Variants in MAP3K20 observed in about 807,000 individuals in gnomAD.
MAP3K20 encodes the protein mitogen-activated protein kinase kinase kinase 20.
Under a neutral mutation model 85.7 loss-of-function variants are expected in MAP3K20, and 40 were observed. The observed-to-expected ratio is 0.47, with a 90% CI of 0.36 to 0.61. The LOEUF is 0.61. Among genes scored for constraint, MAP3K20 ranks in the 20% least tolerant of loss-of-function variants. The pLI is 0.00. For synonymous variants in MAP3K20, 325 were observed against 327.7 expected (o/e 0.99, Z 0.09); for missense variants, 817 against 961.7 (o/e 0.85, Z 1.99).
intron 11 of MAP3K20, among the ~76,000 whole-genome samples, chr2:173,220,045 G>A (rs997467021): frequency 4.1e-5 from 5 of 121,992 alleles, no homozygotes; most frequent in Admixed American, 2.0e-4. Context: ...TCCAGCCTGG[G>A]CAACAGTGCT....
At chr2:173,146,216 G>C (rs1462067761) in intron 2 of MAP3K20, among the ~76,000 whole-genome samples, 2 of 151,224 alleles carry the variant, frequency 1.3e-5, no homozygotes. Context: ...AAACAAAAAA[G>C]TTTCAGGTTT....
At position 173,266,381 on chromosome 2, in the gene MAP3K20, G is replaced by A. The variant is rs776137228; in HGVS notation, c.2034G>A (p.Arg678=). Reference sequence around the variant, plus strand: ...GGGGTCGATACTCAGACAGAAGCAGGAACAAATATGGACGTGGTAGTATAT... The same window carrying A: ...GGGGTCGATACTCAGACAGAAGCAGAAACAAATATGGACGTGGTAGTATAT... ...SERGRYSDRS[R]NKYGRGSISL... The change falls in exon 20 of 20, where the codon AGG becomes AGA. Residue 678 remains arginine, a synonymous_variant. Transcript: ENST00000375213. 2 of 1,614,068 alleles carry A rather than the reference G, an allele frequency of 1.2e-6. No individual in the cohort carries two copies. Among genetic ancestry groups the A allele is most frequent in the Admixed American group, 3.3e-5 (2 of 60,022 alleles).
chr2:173,230,916 A>G (rs1684508624), intron 12 of MAP3K20, among the ~76,000 whole-genome samples: 1 of 152,202 alleles, frequency 6.6e-6, no homozygotes, highest in African/African-American at 2.4e-5. Context: ...GAATCGCTTG[A>G]ATATGGAAGG....
intron 2 of MAP3K20, among the ~76,000 whole-genome samples, chr2:173,131,834 G>T (rs897041015): frequency 6.6e-6 from 1 of 152,166 alleles, no homozygotes; most frequent in Non-Finnish European, 1.5e-5. Context: ...GAATAAATGT[G>T]ATGTGATAGA....
At chr2:173,140,295 C>T (rs997359384) in intron 2 of MAP3K20, among the ~76,000 whole-genome samples, 10 of 152,162 alleles carry the variant, frequency 6.6e-5, no homozygotes, top group African/African-American at 2.4e-4. Context: ...CAGGCATGAG[C>T]CACCACGCCC....
At chr2:173,213,584 G>A (rs183312587) in intron 10 of MAP3K20, among the ~76,000 whole-genome samples, 7 of 152,264 alleles carry the variant, frequency 4.6e-5, no homozygotes, top group East Asian at 3.9e-4. Context: ...TTATATCACA[G>A]ATGCAAAGGT....
rs184955702 is a variant in MAP3K20 at position 173,143,267 on chromosome 2, A to T, written c.160-26538A>T. ...TAAAATGATTTAATAATGATGATTT[A>T]AAAAGTCAGTTTCTTAAAAGATATA... On this transcript the variant is annotated intron_variant, in intron 2 of 19. Transcript: ENST00000375213. 2.3e-3 allele frequency among the ~76,000 whole-genome samples: 355 copies of T among 152,330 alleles called. 1 individual carries two copies. The highest frequency in any genetic ancestry group is 5.0e-3 in the Admixed American group (77 of 15,296).
chr2:173,108,290 G>A (rs1687843456), intron 2 of MAP3K20, among the ~76,000 whole-genome samples: 1 of 152,018 alleles, frequency 6.6e-6, no homozygotes, highest in African/African-American at 2.4e-5. Context: ...GTGTCACCAT[G>A]CCTGGCTAAT....
Position 173,266,438 on chromosome 2 carries a change from T to G in MAP3K20, c.2091T>G (p.Ser697Arg). 1 of 1,613,998 alleles carries G rather than the reference T, an allele frequency of 6.2e-7. No homozygotes were observed. The highest frequency in any genetic ancestry group is 1.7e-5 in the Admixed American group (1 of 59,988). Residue 697 changes from serine (S) to arginine (R), a missense_variant, in exon 20 of 20, where the codon AGT becomes AGG. Ser to Arg is a moderately radical substitution (Grantham distance 110, BLOSUM62 -1). Around this residue, in one of 4 missense-constraint regions of MAP3K20, gnomAD observed 454 missense variants for 476.9 expected, o/e 0.95. Transcript: ENST00000375213. ...ATTCTTCTCCTAGAGGAAGATACAG[T>G]GGAAAGAGTCAGCATTCCACTCCTT... ...SLNSSPRGRY[S>R]GKSQHSTPSR...
chr2:173,174,440 G>C (rs1690095810), intron 3 of MAP3K20, among the ~76,000 whole-genome samples: 1 of 152,174 alleles, frequency 6.6e-6, no homozygotes, highest in Non-Finnish European at 1.5e-5. Context: ...TCGCACTTAT[G>C]AGTGAGAACA....
At chr2:173,115,473 G>T (rs1688094294) in intron 2 of MAP3K20, among the ~76,000 whole-genome samples, 1 of 152,026 alleles carries the variant, frequency 6.6e-6, no homozygotes, top group South Asian at 2.1e-4. Context: ...TTTTTTTGGG[G>T]GGTGTTGAAG....
chr2:173,245,614 T>G lies in MAP3K20; in HGVS notation c.1359+6118T>G, dbSNP rs540758962. 1.7e-3 allele frequency among the ~76,000 whole-genome samples: 264 copies of G among 152,346 alleles called. 1 individual carries two copies. Among genetic ancestry groups the G allele is most frequent in the African/African-American group, 6.1e-3 (253 of 41,580 alleles). On this transcript the variant is annotated intron_variant, in intron 16 of 19. Transcript: ENST00000375213. ...TACCCCCATTTACTTGACCTGCTCC[T>G]AAGTAGTAAAGTTAATTATTAATTT...
intron 11 of MAP3K20, 34 bp downstream of exon 11, chr2:173,217,284 T>TG (rs1559284608): frequency 6.6e-7 from 1 of 1,514,344 alleles, no homozygotes; most frequent in Admixed American, 2.0e-5. Context: ...TCTTTCCACA[T>TG]GCGGCTCTAG....
chr2:173,200,917 C>G (rs918239843), intron 8 of MAP3K20, among the ~76,000 whole-genome samples: 3 of 152,130 alleles, frequency 2.0e-5, no homozygotes, highest in Non-Finnish European at 4.4e-5. Flanking sequence ...CAGGCATGAG[C>G]CAACGTGCCC....
intron 11 of MAP3K20, chr2:173,227,210 GA>G: frequency 1.1e-6 from 1 of 893,744 alleles, no homozygotes; most frequent in Non-Finnish European, 1.3e-6. Flanking sequence ...AACATCCTTT[GA>G]AGGAATCGTT....
chr2:173,097,876 A>G lies in MAP3K20; in HGVS notation c.159+6686A>G, dbSNP rs188763417. On this transcript the variant is annotated intron_variant, in intron 2 of 19. Transcript: ENST00000375213. The stretch of plus-strand genomic sequence containing the variant: ...GCAAAAAATAAAAAGCTTTTATTAT[A>G]CTCAGTTAATCAATATGATATCGTT... Among the ~76,000 whole-genome samples the G allele has an allele frequency of 2.8e-3, 434 of 152,324 alleles. 2 individuals carry two copies. Among genetic ancestry groups the G allele is most frequent in the African/African-American group, 9.6e-3 (400 of 41,582 alleles).
intron 11 of MAP3K20, 122 bp downstream of exon 11, chr2:173,217,372 C>T (rs2289395): frequency 8.0e-7 from 1 of 1,255,636 alleles, no homozygotes; most frequent in Non-Finnish European, 1.0e-6. Flanking sequence ...TGCCTCGCGC[C>T]CGTGTATTAA....
chr2:173,209,604 T>G, intron 9 of MAP3K20, 125 bp from the exon 10 acceptor site: 1 of 709,744 alleles, frequency 1.4e-6, no homozygotes, highest in African/African-American at 1.8e-5. Context: ...CATCAGGACA[T>G]TGTATCATGT....
intron 4 of MAP3K20, among the ~76,000 whole-genome samples, chr2:173,185,727 CTT>C: frequency 6.6e-6 from 1 of 152,316 alleles, no homozygotes; most frequent in Non-Finnish European, 1.5e-5. Flanking sequence ...AAAAGATTCT[CTT>C]CTTTCTAGAT....
Sources: gnomAD v4.1 joint callset for allele counts (sites outside exome capture counted in the v4.1 genomes callset) on GRCh38, gnomAD v4.1.1 for gene constraint, gnomAD v4.1.1 regional missense constraint, MANE v1.5 for transcripts, NCBI Gene and HGNC (gene_info 2026-07-23, HGNC 2026-07-21) for gene names.